ERBB4: variants seen among roughly 807,000 people sequenced by gnomAD.
ERBB4 encodes the protein receptor tyrosine-protein kinase erbB-4.
A neutral mutation model predicts 158.0 loss-of-function variants in ERBB4; 42 were observed. The observed-to-expected ratio is 0.27, with a 90% confidence interval of 0.21 to 0.34. ERBB4 has a LOEUF of 0.34. Ranked by LOEUF, ERBB4 falls within the 10% of genes least tolerant of loss-of-function variation. The pLI, the probability that ERBB4 is intolerant of heterozygous loss-of-function variation, is 1.00. For synonymous variants in ERBB4, 583 were observed against 558.7 expected, an observed-to-expected ratio of 1.04 and a Z score of -0.61; for missense variants, 1,333 against 1,624.1, an observed-to-expected ratio of 0.82 and a Z score of 3.08.
At chr2:211,684,461 TA>T (rs958238815) in intron 12 of ERBB4, among the ~76,000 whole-genome samples, 36 of 150,858 alleles carry the variant, frequency 2.4e-4, no homozygotes, top group Admixed American at 7.9e-4. Flanking sequence ...CAAAATAAAA[TA>T]AAAAAAGAAA....
At chr2:212,405,874 G>A (rs573615110) in intron 1 of ERBB4, among the ~76,000 whole-genome samples, 1 of 152,114 alleles carries the variant, frequency 6.6e-6, no homozygotes, top group South Asian at 2.1e-4. Flanking sequence ...CAACACTGAT[G>A]TAAATCAACA....
intron 1 of ERBB4, among the ~76,000 whole-genome samples, chr2:212,140,823 A>G (rs1432107555): frequency 6.7e-6 from 1 of 148,882 alleles, no homozygotes; most frequent in African/African-American, 2.5e-5. Flanking sequence ...CCAATTTCCC[A>G]CCTGAATAGA....
intron 1 of ERBB4, among the ~76,000 whole-genome samples, chr2:212,397,320 C>T (rs187859576): frequency 5.6e-4 from 85 of 151,988 alleles, no homozygotes; most frequent in African/African-American, 2.0e-3. Context: ...ACAAAAAATA[C>T]AAAACAGCCA....
At chr2:212,172,565 T>C (rs1482722783) in intron 1 of ERBB4, among the ~76,000 whole-genome samples, 2 of 152,136 alleles carry the variant, frequency 1.3e-5, no homozygotes, top group Non-Finnish European at 2.9e-5. Flanking sequence ...TATACATTTG[T>C]ATATGTGTAT....
intron 1 of ERBB4, among the ~76,000 whole-genome samples, chr2:212,419,565 A>G (rs1434284107): frequency 1.3e-5 from 2 of 151,948 alleles, no homozygotes; most frequent in East Asian, 3.9e-4. Context: ...ATATGCATAT[A>G]TTTGCCTTTA....
chr2:212,354,778 G>A (rs1373685723), intron 1 of ERBB4, among the ~76,000 whole-genome samples: 1 of 151,870 alleles, frequency 6.6e-6, no homozygotes, highest in Non-Finnish European at 1.5e-5. Context: ...AGAGAAAGTA[G>A]GTAAAAATCT....
chr2:211,977,902 G>T (rs1250063112), intron 2 of ERBB4, among the ~76,000 whole-genome samples: 1 of 147,944 alleles, frequency 6.8e-6, no homozygotes, highest in Admixed American at 6.8e-5. Flanking sequence ...TCAGTTAGAG[G>T]TTATAAGAGC....
intron 2 of ERBB4, among the ~76,000 whole-genome samples, chr2:212,053,746 C>T (rs575060975): frequency 1.1e-4 from 16 of 152,268 alleles, no homozygotes; most frequent in South Asian, 8.3e-4. Context: ...GCTATCTCTC[C>T]GATCTGTTCC....
intron 20 of ERBB4, among the ~76,000 whole-genome samples, chr2:211,435,483 C>A (rs1027258021): frequency 2.6e-5 from 4 of 152,162 alleles, no homozygotes; most frequent in African/African-American, 9.7e-5. Flanking sequence ...ATCAGGGATC[C>A]CCAACCCCTG....
At chr2:211,788,648 C>T (rs1247333216) in intron 3 of ERBB4, among the ~76,000 whole-genome samples, 1 of 152,054 alleles carries the variant, frequency 6.6e-6, no homozygotes, top group Non-Finnish European at 1.5e-5. Flanking sequence ...TTGGTCTTTA[C>T]AACAAATTTC....
At chr2:211,992,569 A>AGAGAG (rs1421252908) in intron 2 of ERBB4, among the ~76,000 whole-genome samples, 34 of 113,098 alleles carry the variant, frequency 3.0e-4, no homozygotes, top group African/African-American at 6.9e-4. Context: ...GAGAGAGAGA[A>AGAGAG]AAAAAAAAAA....
intron 1 of ERBB4, among the ~76,000 whole-genome samples, chr2:212,354,789 G>C (rs1051859034): frequency 6.6e-6 from 1 of 151,962 alleles, no homozygotes; most frequent in African/African-American, 2.4e-5. Context: ...GTAAAAATCT[G>C]TTGAAGTTTC....
rs533355427 is a variant in ERBB4, at chr2:212,224,371, C to T, written c.83-99468G>A. On this transcript the variant is annotated intron_variant, in intron 1 of 27. Transcript: ENST00000342788. ...TTCATTTGGATCATGAGTTTGACATCTAGAAATAATGTGGGTGGGATGAAA... is the reference window on the plus strand; with the variant it reads ...TTCATTTGGATCATGAGTTTGACATTTAGAAATAATGTGGGTGGGATGAAA... Among the ~76,000 whole-genome samples the T allele has an allele frequency of 4.0e-5, 6 of 151,804 alleles. No homozygotes were observed. The South Asian group carries it at 1.2e-3, about 32-fold the overall frequency.
At chr2:211,836,083 C>G (rs1324699131) in intron 3 of ERBB4, among the ~76,000 whole-genome samples, 1 of 151,980 alleles carries the variant, frequency 6.6e-6, no homozygotes, top group East Asian at 1.9e-4. Context: ...AGGTCTTTAT[C>G]TAAAAATAGG....
chr2:211,679,221 G>C (rs1189829946), intron 12 of ERBB4, 37 bp from the exon 13 acceptor site: 1 of 1,610,228 alleles, frequency 6.2e-7, no homozygotes, highest in Admixed American at 1.7e-5. Context: ...ATAAAACAGA[G>C]GATTGTGTCA....
chr2:211,814,589 A>G (rs2105924802), intron 3 of ERBB4, among the ~76,000 whole-genome samples: 1 of 152,252 alleles, frequency 6.6e-6, no homozygotes, highest in Non-Finnish European at 1.5e-5. Context: ...ATTTAAACCA[A>G]TAGAAAGCAA....
At chr2:211,935,698 C>T (rs1209461355) in intron 3 of ERBB4, among the ~76,000 whole-genome samples, 1 of 152,060 alleles carries the variant, frequency 6.6e-6, no homozygotes, top group Non-Finnish European at 1.5e-5. Context: ...ACTTCTCAGC[C>T]TCCATAATTG....
At chr2:212,205,469 A>G (rs946529854) in intron 1 of ERBB4, among the ~76,000 whole-genome samples, 2 of 152,230 alleles carry the variant, frequency 1.3e-5, no homozygotes, top group Non-Finnish European at 2.9e-5. Flanking sequence ...TCCTCCATAA[A>G]AAACAAACGG....
At chr2:212,520,915 C>A (rs954826451) in intron 1 of ERBB4, among the ~76,000 whole-genome samples, 7 of 151,808 alleles carry the variant, frequency 4.6e-5, no homozygotes, top group Non-Finnish European at 7.4e-5. Context: ...TCATGCATAG[C>A]CTTTACCTGA....
Sources: gnomAD v4.1 joint callset for allele counts (sites outside exome capture counted in the v4.1 genomes callset) on GRCh38, gnomAD v4.1.1 for gene constraint, MANE v1.5 for transcripts, NCBI Gene and HGNC (gene_info 2026-07-23, HGNC 2026-07-21) for gene names.